The following KANSL2 variants were observed in gnomAD, a reference collection of about 807,000 sequenced individuals.
The protein encoded by KANSL2 is KAT8 regulatory NSL complex subunit 2.
In KANSL2, 34 loss-of-function variants were observed where a neutral mutation model predicts 55.6. The observed-to-expected ratio is 0.61, with a 90% confidence interval of 0.46 to 0.81. The LOEUF (loss-of-function observed/expected upper bound fraction) is 0.81. KANSL2 is among the 40% of genes least tolerant of loss of function. The pLI, the probability that KANSL2 is intolerant of heterozygous loss-of-function variation, is 0.00. For synonymous variants in KANSL2, 209 were observed against 214.3 expected (o/e 0.98, Z 0.22); for missense variants, 502 against 609.9 (o/e 0.82, Z 1.86).
chr12:48,681,476 C>T lies in KANSL2; in HGVS notation c.157G>A (p.Asp53Asn). 6.2e-7 allele frequency: 1 copy of T among 1,613,940 alleles called. No individual in the cohort carries two copies. Among genetic ancestry groups the T allele is most frequent in the Non-Finnish European group, 8.5e-7 (1 of 1,179,880 alleles). Residue 53 changes from aspartate to asparagine, a missense_variant, in exon 2 of 10, where the codon GAC becomes AAC. Physicochemically the swap from Asp to Asn is conservative, Grantham distance 23 (BLOSUM62 1). Coordinates refer to ENST00000420613, the MANE Select transcript of KANSL2 (RefSeq NM_017822.4). ...QEFCIKHILE[D>N]KNAPFKQCSY... ...CACTGCTTGAAGGGTGCATTCTTGTCTTCAAGGATATGCTTAATGCAAAAC... is the reference window on the plus strand; with the variant it reads ...CACTGCTTGAAGGGTGCATTCTTGTTTTCAAGGATATGCTTAATGCAAAAC...
chr12:48,667,039 G>C lies in KANSL2; in HGVS notation c.973+654C>G, dbSNP rs1448365350. Among the ~76,000 whole-genome samples the C allele has an allele frequency of 2.6e-5, 4 of 152,094 alleles. No homozygotes were observed. In the East Asian group the frequency reaches 7.7e-4, roughly 29 times the overall value. ...CTACTAATAATACAAACATTAGCCA[G>C]GTATTGTGGTACGTGCCTATAATCC... On this transcript the variant is annotated intron_variant, in intron 7 of 9. Coordinates refer to ENST00000420613, the MANE Select transcript of KANSL2 (RefSeq NM_017822.4).
At chr12:48,659,113 G>A (rs530040664) in intron 8 of KANSL2, among the ~76,000 whole-genome samples, 2 of 151,500 alleles carry the variant, frequency 1.3e-5, no homozygotes, top group East Asian at 3.9e-4. Context: ...GGCCAACATG[G>A]TGAAACCCTG....
At position 48,669,264 on chromosome 12, in the gene KANSL2, G is replaced by T; in HGVS notation, c.718C>A (p.Leu240Ile). ...AAAAGTCCCTCTGGGCCAGTCAGGA[G>T]ACTACTGCCTAGAGTTACAAGAGTC... Reference protein sequence around the residue: ...KVEHEALGSSLLTGPEGLLAK... With the variant: ...KVEHEALGSSILTGPEGLLAK... The change falls in exon 6 of 10, where the codon CTC (leucine) becomes ATC (isoleucine). Residue 240 changes from leucine (L) to isoleucine (I), a missense_variant. By Grantham distance (5) the Leu-to-Ile change is conservative. Transcript: ENST00000420613. 21 of 1,568,010 alleles carry T rather than the reference G, an allele frequency of 1.3e-5. No homozygotes were observed. Among genetic ancestry groups the T allele is most frequent in the Non-Finnish European group, 1.7e-5 (20 of 1,156,246 alleles).
intron 4 of KANSL2, among the ~76,000 whole-genome samples, chr12:48,672,433 A>ATATTTTTT (rs371918890): frequency 1.7e-5 from 2 of 120,384 alleles, no homozygotes; most frequent in African/African-American, 7.3e-5. Flanking sequence ...ATATATATAT[A>ATATTTTTT]TTTTTTTTTT....
intron 4 of KANSL2, among the ~76,000 whole-genome samples, chr12:48,674,377 T>A (rs1939783046): frequency 6.6e-6 from 1 of 152,164 alleles, no homozygotes; most frequent in Admixed American, 6.6e-5. Context: ...CTCAAACTCC[T>A]GAGTTCAGGC....
intron 3 of KANSL2, 153 bp from the exon 4 acceptor site, chr12:48,679,303 C>A: frequency 2.9e-6 from 2 of 692,424 alleles, no homozygotes; most frequent in South Asian, 1.6e-5. Context: ...CAAATAAAAA[C>A]GCTTTAAGAA....
At chr12:48,673,833 C>T (rs796745747) in intron 4 of KANSL2, among the ~76,000 whole-genome samples, 29 of 151,910 alleles carry the variant, frequency 1.9e-4, no homozygotes, top group African/African-American at 6.8e-4. Flanking sequence ...TACCTGTAGT[C>T]CCAGATACTC....
Position 48,679,022 on chromosome 12 carries a change from G to A in KANSL2, c.545+14C>T. 6.4e-7 allele frequency: 1 copy of A among 1,556,360 alleles called. No homozygotes were observed. Among genetic ancestry groups the A allele is most frequent in the Non-Finnish European group, 8.9e-7 (1 of 1,127,964 alleles). On this transcript the variant is annotated intron_variant, in intron 4 of 9. Transcript: ENST00000420613. ...AACTACATTTCAAATGCCTTATGTG[G>A]AGTTACAACTTACTTTAGGGGATCT...
chr12:48,680,026 C>G, intron 2 of KANSL2, 193 bp from the exon 3 acceptor site: 1 of 538,280 alleles, frequency 1.9e-6, no homozygotes, highest in South Asian at 2.3e-5. Flanking sequence ...AATAACAGGA[C>G]GGATGAAGTG....
rs1292876093 is a variant in KANSL2, at chr12:48,654,244, T to A, written c.1348-69A>T. ...TGTGGTCTGAAGTATGAATCTGACTTATCAGTGGCCACTTAAACTAGCAAT... is the reference window on the plus strand; with the variant it reads ...TGTGGTCTGAAGTATGAATCTGACTAATCAGTGGCCACTTAAACTAGCAAT... On this transcript the variant is annotated intron_variant, in intron 9 of 9. Transcript: ENST00000420613. The A allele has an allele frequency of 1.0e-4, 150 of 1,467,314 alleles. 1 individual carries two copies. In the East Asian group the frequency reaches 3.4e-3, roughly 33 times the overall value. The allele number at this position is 1,467,314 out of a possible 1,614,324, so 90.9% of individuals were successfully genotyped here.
chr12:48,661,500 T>C (rs936969770), intron 7 of KANSL2, among the ~76,000 whole-genome samples: 1 of 152,222 alleles, frequency 6.6e-6, no homozygotes, highest in African/African-American at 2.4e-5. Flanking sequence ...CTGGTTATCT[T>C]CCTAGATTAA....
chr12:48,660,306 C>T, intron 8 of KANSL2, 60 bp downstream of exon 8: 1 of 1,581,026 alleles, frequency 6.3e-7, no homozygotes, highest in African/African-American at 1.3e-5. Flanking sequence ...CTATTCTCAC[C>T]ATTAATAAAT....
At chr12:48,680,024 G>A in intron 2 of KANSL2, 191 bp from the exon 3 acceptor site, 1 of 546,332 alleles carries the variant, frequency 1.8e-6, no homozygotes, top group Non-Finnish European at 3.2e-6. Flanking sequence ...GAAATAACAG[G>A]ACGGATGAAG....
chr12:48,661,282 GAA>G, intron 7 of KANSL2: 32 of 730,608 alleles, frequency 4.4e-5, no homozygotes, highest in Non-Finnish European at 4.7e-5. Flanking sequence ...AAGGCCCATT[GAA>G]AAAAAAAAGT....
At position 48,679,819 on chromosome 12, in the gene KANSL2, G is replaced by A; in HGVS notation, c.266C>T (p.Ala89Val). 1 of 1,602,750 alleles carries A rather than the reference G, an allele frequency of 6.2e-7. No individual in the cohort carries two copies. The highest frequency in any genetic ancestry group is 8.5e-7 in the Non-Finnish European group (1 of 1,174,346). The part of the protein sequence containing the change: ...PEKKDGVSFC[A>V]EHVRRNALAL... ...CAGGGCATTCCTACGGACATGTTCA[G>A]CACAGAAGGACACCCTGAAGAGACA... is the stretch of plus-strand genomic sequence containing the variant. Residue 89 changes from alanine (A) to valine (V), a missense_variant, in exon 3 of 10, where the codon GCT becomes GTT. By Grantham distance (64) the Ala-to-Val change is moderately conservative. Transcript: ENST00000420613.
intron 7 of KANSL2, chr12:48,662,586 A>G: frequency 7.8e-7 from 1 of 1,285,684 alleles, no homozygotes; most frequent in Non-Finnish European, 1.0e-6. Context: ...CTTCACTTTC[A>G]GTCGAGTGCT....
chr12:48,679,426 G>A (rs1939881519), intron 3 of KANSL2, among the ~76,000 whole-genome samples: 1 of 152,068 alleles, frequency 6.6e-6, no homozygotes, highest in Non-Finnish European at 1.5e-5. Context: ...AAGCTGCTGA[G>A]CATTAAAAAA....
intron 7 of KANSL2, among the ~76,000 whole-genome samples, chr12:48,667,037 C>A (rs553208410): frequency 1.3e-5 from 2 of 152,060 alleles, no homozygotes; most frequent in Non-Finnish European, 2.9e-5. Context: ...AAACATTAGC[C>A]AGGTATTGTG....
chr12:48,664,577 CTTTTT>C (rs35805896), intron 7 of KANSL2, among the ~76,000 whole-genome samples: 4 of 62,072 alleles, frequency 6.4e-5, no homozygotes, highest in South Asian at 7.2e-4. Flanking sequence ...CGCACCTGGC[CTTTTT>C]TTTTTTTTTT....
Sources: allele counts gnomAD v4.1 joint callset (sites outside exome capture counted in the v4.1 genomes callset), GRCh38; gene constraint gnomAD v4.1.1; transcripts MANE v1.5; gene names NCBI Gene and HGNC (gene_info 2026-07-23, HGNC 2026-07-21).